The following CTNNA3 variants were observed in gnomAD, a reference collection of about 807,000 sequenced individuals.
The protein encoded by CTNNA3 is catenin alpha 3.
In CTNNA3, 76 loss-of-function variants were observed where a neutral mutation model predicts 95.7. The observed-to-expected ratio is 0.79, with a 90% confidence interval of 0.66 to 0.96. The LOEUF (loss-of-function observed/expected upper bound fraction) is 0.96, where lower values mean the gene tolerates loss of function less well. Among genes scored for constraint, CTNNA3 ranks in the 40% least tolerant of loss-of-function variants. The pLI is 0.00. For missense variants in CTNNA3, 1,191 were observed against 1,089.8 expected (o/e 1.09, Z -1.31); for synonymous variants, 431 against 374.4 (o/e 1.15, Z -1.74).
Position 67,014,540 on chromosome 10 carries a change from AT to A in CTNNA3, c.1047+165776del, listed in dbSNP as rs1217328853. Among the ~76,000 whole-genome samples, 4 of 152,272 alleles carry A rather than the reference AT, an allele frequency of 2.6e-5. No homozygotes were observed. In the East Asian group the frequency reaches 7.7e-4, roughly 29 times the overall value. ...AAATATTGGAGAAGATACTGTTCCT[AT>A]GATCTCTTTTATTTTGTACTTCAAT... On this transcript the variant is annotated intron_variant, in intron 7 of 17. Transcript: ENST00000433211.
chr10:67,425,884 C>A (rs761184389), intron 5 of CTNNA3, among the ~76,000 whole-genome samples: 6 of 152,016 alleles, frequency 3.9e-5, no homozygotes, highest in Admixed American at 1.3e-4. Flanking sequence ...AACATTCTTA[C>A]CTCATATACT....
chr10:67,597,587 A>G (rs1205000199), intron 3 of CTNNA3, among the ~76,000 whole-genome samples: 1 of 152,104 alleles, frequency 6.6e-6, no homozygotes, highest in African/African-American at 2.4e-5. Context: ...GCTGGGACCA[A>G]GCCCACAGCT....
chr10:67,088,053 T>C (rs915158511), intron 7 of CTNNA3, among the ~76,000 whole-genome samples: 3 of 151,782 alleles, frequency 2.0e-5, no homozygotes, highest in Non-Finnish European at 2.9e-5. Flanking sequence ...GGAAATACCA[T>C]GATAATTTAA....
chr10:66,084,612 T>C lies in CTNNA3; in HGVS notation c.1978-15123A>G, dbSNP rs188460226. Among the ~76,000 whole-genome samples, 411 of 152,244 alleles carry C rather than the reference T, an allele frequency of 2.7e-3. 6 individuals carry two copies. The highest frequency in any genetic ancestry group is 9.6e-3 in the African/African-American group (399 of 41,570). On this transcript the variant is annotated intron_variant, in intron 14 of 17. Coordinates refer to ENST00000433211, the MANE Select transcript of CTNNA3 (RefSeq NM_013266.4). ...AAAAAATTCTTAGAAAAAGGACTCATCTTGATTAGTTGAAAATGTTTTATC... is the reference window on the plus strand; with the variant it reads ...AAAAAATTCTTAGAAAAAGGACTCACCTTGATTAGTTGAAAATGTTTTATC...
chr10:66,653,004 T>C (rs1051742528), intron 9 of CTNNA3, among the ~76,000 whole-genome samples: 8 of 152,132 alleles, frequency 5.3e-5, no homozygotes, highest in African/African-American at 1.7e-4. Flanking sequence ...GTAAATTCCA[T>C]ATATGACAAA....
chr10:67,231,989 C>T (rs1865233987), intron 5 of CTNNA3, among the ~76,000 whole-genome samples: 1 of 152,136 alleles, frequency 6.6e-6, no homozygotes, highest in South Asian at 2.1e-4. Context: ...CGAGCAAAGC[C>T]TCCAAGAAAT....
At chr10:66,245,569 A>T (rs2132052197) in intron 13 of CTNNA3, among the ~76,000 whole-genome samples, 1 of 152,332 alleles carries the variant, frequency 6.6e-6, no homozygotes, top group East Asian at 1.9e-4. Flanking sequence ...AACAGCTCAC[A>T]GAAGTCCCAC....
intron 12 of CTNNA3, among the ~76,000 whole-genome samples, chr10:66,323,365 A>G (rs10822808): frequency 0.3 from 46,092 of 151,760 alleles, 8,009 homozygotes; most frequent in Non-Finnish European, 0.39. Context: ...AATACTGGGT[A>G]GAAGAGGGCA....
chr10:65,933,069 G>C (rs1589143724), intron 17 of CTNNA3, among the ~76,000 whole-genome samples: 1 of 152,082 alleles, frequency 6.6e-6, no homozygotes, highest in East Asian at 1.9e-4. Flanking sequence ...TTCCACTTTA[G>C]ATTCCCTGGG....
At chr10:67,563,079 G>C (rs903187562) in intron 3 of CTNNA3, among the ~76,000 whole-genome samples, 1 of 151,728 alleles carries the variant, frequency 6.6e-6, no homozygotes, top group Non-Finnish European at 1.5e-5. Context: ...GTAATTTATA[G>C]ATTCAATGCC....
chr10:66,652,891 A>T (rs1845958005), intron 9 of CTNNA3, among the ~76,000 whole-genome samples: 1 of 152,182 alleles, frequency 6.6e-6, no homozygotes, highest in Admixed American at 6.5e-5. Context: ...ACAGAAAAAT[A>T]TGATCATGTC....
intron 7 of CTNNA3, among the ~76,000 whole-genome samples, chr10:66,978,541 A>ATAAAATAAAAATAAAAAAAATAAAT (rs1437563245): frequency 1.8e-5 from 2 of 111,194 alleles, no homozygotes; most frequent in Non-Finnish European, 3.7e-5. Flanking sequence ...AAAAAAAAAA[A>ATAAAATAAAAATAAAAAAAATAAAT]AAAAAAAAAA....
chr10:67,303,065 T>G (rs12358073), intron 5 of CTNNA3, among the ~76,000 whole-genome samples: 38,029 of 151,782 alleles, frequency 0.25, 6,900 homozygotes, highest in African/African-American at 0.51. Flanking sequence ...ACCATCTGTA[T>G]TGTAATAAAC....
chr10:66,449,610 T>A (rs1169649386), intron 11 of CTNNA3, among the ~76,000 whole-genome samples: 2 of 152,108 alleles, frequency 1.3e-5, no homozygotes, highest in Non-Finnish European at 2.9e-5. Context: ...AGGCTATGAT[T>A]TTTTGCCTTC....
chr10:67,471,468 C>A (rs1025941793), intron 5 of CTNNA3, among the ~76,000 whole-genome samples: 1 of 152,206 alleles, frequency 6.6e-6, no homozygotes, highest in Non-Finnish European at 1.5e-5. Context: ...GCTAGACTAT[C>A]GTCTACAGCT....
intron 5 of CTNNA3, among the ~76,000 whole-genome samples, chr10:67,341,736 G>T (rs1047978983): frequency 2.0e-5 from 3 of 151,974 alleles, no homozygotes; most frequent in African/African-American, 7.3e-5. Context: ...TGCATCATTT[G>T]GTAGCTCTAT....
At chr10:66,519,216 A>T (rs1334411993) in intron 11 of CTNNA3, among the ~76,000 whole-genome samples, 1 of 152,142 alleles carries the variant, frequency 6.6e-6, no homozygotes, top group Non-Finnish European at 1.5e-5. Context: ...ACACAAACAA[A>T]ACTTGAATTA....
At chr10:66,601,766 C>T (rs1396982418) in intron 10 of CTNNA3, among the ~76,000 whole-genome samples, 1 of 151,736 alleles carries the variant, frequency 6.6e-6, no homozygotes, top group African/African-American at 2.4e-5. Context: ...TATTGGTGTA[C>T]ATATAATAGA....
chr10:66,956,972 A>C (rs946031936), intron 7 of CTNNA3, among the ~76,000 whole-genome samples: 12 of 152,214 alleles, frequency 7.9e-5, no homozygotes, highest in Non-Finnish European at 1.6e-4. Context: ...TGGGGAAAGA[A>C]AACTAGTGGT....
Sources: gnomAD v4.1 joint callset for allele counts (sites outside exome capture counted in the v4.1 genomes callset) on GRCh38, gnomAD v4.1.1 for gene constraint, MANE v1.5 for transcripts, NCBI Gene and HGNC (gene_info 2026-07-23, HGNC 2026-07-21) for gene names.